The following PDS5A variants were observed in gnomAD, a reference collection of about 807,000 sequenced individuals.
PDS5A encodes sister chromatid cohesion protein PDS5 homolog A.
In PDS5A, 42 loss-of-function variants were observed where a neutral mutation model predicts 167.1. That is an observed-to-expected ratio of 0.25 (90% confidence interval 0.20 to 0.33). The LOEUF (loss-of-function observed/expected upper bound fraction) is 0.33. Among genes scored for constraint, PDS5A ranks in the 10% least tolerant of loss-of-function variants. PDS5A has a pLI of 1.00. For synonymous variants in PDS5A, 553 were observed against 554.6 expected, an observed-to-expected ratio of 1.00 and a Z score of 0.04; for missense variants, 1,033 against 1,605.9, an observed-to-expected ratio of 0.64 and a Z score of 6.10.
chr4:39,947,176 A>C (rs1329054806), intron 2 of PDS5A, among the ~76,000 whole-genome samples: 1 of 152,164 alleles, frequency 6.6e-6, no homozygotes, highest in Admixed American at 6.6e-5. Context: ...AAACATGACC[A>C]GGCATGGTGG....
At chr4:39,957,786 C>CAAAA (rs34253629) in intron 2 of PDS5A, among the ~76,000 whole-genome samples, 4 of 87,782 alleles carry the variant, frequency 4.6e-5, no homozygotes, top group Non-Finnish European at 9.1e-5. Flanking sequence ...GACTCCATCT[C>CAAAA]AAAAAAAAAA....
chr4:39,836,607 T>C (rs375477001), intron 32 of PDS5A, among the ~76,000 whole-genome samples: 169 of 110,586 alleles, frequency 1.5e-3, no homozygotes, highest in African/African-American at 5.3e-3. Context: ...CACCCGGGAT[T>C]TTTTTCTATT....
At chr4:39,902,856 G>A (rs1023545997) in intron 12 of PDS5A, among the ~76,000 whole-genome samples, 11 of 152,018 alleles carry the variant, frequency 7.2e-5, no homozygotes. Context: ...TCTTATGCCA[G>A]GATACCATAT....
At chr4:39,877,222 C>T (rs1055918180) in intron 18 of PDS5A, 69 bp from the exon 19 acceptor site, 19 of 970,956 alleles carry the variant, frequency 2.0e-5, no homozygotes, top group African/African-American at 6.7e-5. Flanking sequence ...AATTACTTCC[C>T]GCAAAAGAAA....
chr4:39,955,727 G>A (rs1728862731), intron 2 of PDS5A, among the ~76,000 whole-genome samples: 1 of 152,078 alleles, frequency 6.6e-6, no homozygotes, highest in African/African-American at 2.4e-5. Flanking sequence ...TTACTGAGGA[G>A]TGAGTCCAGG....
rs532305953 is a variant in PDS5A, at chr4:39,875,113, C to T, written c.2154-701G>A. ...TGAAAATTAGCATTTCTTTCAAAAT[C>T]CACATACTTAACCTCTACACTGACA... On this transcript the variant is annotated intron_variant, in intron 19 of 32. Transcript: ENST00000303538. Among the ~76,000 whole-genome samples, 19 of 152,238 alleles carry T rather than the reference C, an allele frequency of 1.2e-4. 1 individual carries two copies. The South Asian group carries it at 3.9e-3, about 32-fold the overall frequency.
chr4:39,846,232 T>G (rs780334053), intron 28 of PDS5A: 9 of 155,426 alleles, frequency 5.8e-5, no homozygotes, highest in Non-Finnish European at 1.1e-4. Flanking sequence ...TGGTGACTCA[T>G]GCCTGTGAGC....
At chr4:39,832,888 G>A (rs1716033856) in intron 32 of PDS5A, among the ~76,000 whole-genome samples, 1 of 151,854 alleles carries the variant, frequency 6.6e-6, no homozygotes. Flanking sequence ...GGGCGTGGTG[G>A]CTCACGCCTG....
intron 26 of PDS5A, among the ~76,000 whole-genome samples, chr4:39,854,606 G>A (rs1042102257): frequency 1.3e-5 from 2 of 152,104 alleles, no homozygotes; most frequent in Non-Finnish European, 1.5e-5. Flanking sequence ...CCCTGCAAGT[G>A]TGAGTTATGT....
rs1578549059 is a variant in PDS5A at position 39,823,742 on chromosome 4, G to A, written c.*1743C>T. ...GAAGAGTGGGGATTTTTCTGCCCCT[G>A]TAAAGGTATCATTTTCTATCATTGG... On this transcript the variant is annotated 3_prime_UTR_variant, in exon 33 of 33. Coordinates refer to ENST00000303538, the MANE Select transcript of PDS5A (RefSeq NM_001100399.2). 1.3e-5 allele frequency: 2 copies of A among 152,688 alleles called. No homozygotes were observed. Among genetic ancestry groups the A allele is most frequent in the Middle Eastern group, 6.8e-3 (2 of 294 alleles). The allele number at this position is 152,688 out of a possible 1,614,324, so 9.5% of individuals were successfully genotyped here.
rs139795386 is a variant in PDS5A at position 39,855,560 on chromosome 4, C to T, written c.3087-5908G>A. Among the ~76,000 whole-genome samples the T allele has an allele frequency of 3.7e-3, 562 of 152,164 alleles. 1 individual carries two copies. The highest frequency in any genetic ancestry group is 6.5e-3 in the Non-Finnish European group (445 of 67,998). The stretch of plus-strand genomic sequence containing the variant: ...TAGTCAAAGACATTAAATCAACTGT[C>T]TTAAATATGCTCAATGAGATAAAAG... On this transcript the variant is annotated intron_variant, in intron 26 of 32. Transcript: ENST00000303538.
At chr4:39,893,361 C>T (rs958516759) in intron 16 of PDS5A, among the ~76,000 whole-genome samples, 3 of 152,150 alleles carry the variant, frequency 2.0e-5, no homozygotes, top group African/African-American at 7.2e-5. Flanking sequence ...TTTTGATAAT[C>T]TTTGCTCAAA....
At chr4:39,855,834 C>A (rs1234588665) in intron 26 of PDS5A, among the ~76,000 whole-genome samples, 1 of 152,036 alleles carries the variant, frequency 6.6e-6, no homozygotes, top group Non-Finnish European at 1.5e-5. Context: ...ATCTAATGAA[C>A]CTGCAAGAAA....
chr4:39,966,313 G>C (rs1167191063), intron 2 of PDS5A, among the ~76,000 whole-genome samples: 1 of 152,118 alleles, frequency 6.6e-6, no homozygotes, highest in Non-Finnish European at 1.5e-5. Context: ...AGTACTTCAG[G>C]GGTCCTCCTG....
At chr4:39,952,574 A>AAG (rs1379755582) in intron 2 of PDS5A, among the ~76,000 whole-genome samples, 1 of 152,108 alleles carries the variant, frequency 6.6e-6, no homozygotes, top group Non-Finnish European at 1.5e-5. Context: ...CAGCCAGCTT[A>AAG]ATAGTAAAGT....
At chr4:39,879,639 T>A in intron 18 of PDS5A, 89 bp downstream of exon 18, 1 of 660,636 alleles carries the variant, frequency 1.5e-6, no homozygotes, top group South Asian at 2.0e-5. Flanking sequence ...TAGTTTCCTG[T>A]GAAATAAGCC....
chr4:39,953,800 G>A (rs186468650), intron 2 of PDS5A, among the ~76,000 whole-genome samples: 11 of 152,232 alleles, frequency 7.2e-5, no homozygotes, highest in Non-Finnish European at 7.4e-5. Flanking sequence ...TTAGACGTTC[G>A]TAATCAATAG....
intron 2 of PDS5A, among the ~76,000 whole-genome samples, chr4:39,945,448 G>A (rs185787274): frequency 2.0e-4 from 24 of 121,906 alleles, no homozygotes; most frequent in Non-Finnish European, 3.1e-4. Flanking sequence ...GCGACAGAGC[G>A]AGACTGCCTC....
chr4:39,912,473 CTAT>C (rs571445040), intron 9 of PDS5A, among the ~76,000 whole-genome samples: 7 of 152,216 alleles, frequency 4.6e-5, no homozygotes, highest in Non-Finnish European at 8.8e-5. Context: ...AGTTATTCAA[CTAT>C]TTAGCATTTA....
Sources: allele counts gnomAD v4.1 joint callset (sites outside exome capture counted in the v4.1 genomes callset), GRCh38; gene constraint gnomAD v4.1.1; transcripts MANE v1.5; gene names NCBI Gene and HGNC (gene_info 2026-07-23, HGNC 2026-07-21).